SUMO2: variants seen among roughly 807,000 people sequenced by gnomAD.
SUMO2 encodes the protein small ubiquitin-related modifier 2.
In SUMO2, 1 loss-of-function variant was observed where a neutral mutation model predicts 16.0. The ratio of observed to expected loss-of-function variants is 0.06; its 90% CI spans 0.02 to 0.30. The LOEUF is 0.30. SUMO2 is among the 10% of genes least tolerant of loss of function. SUMO2 has a pLI of 1.00. For missense variants in SUMO2, 16 were observed against 117.5 expected, an observed-to-expected ratio of 0.14 and a Z score of 3.99; for synonymous variants, 36 against 40.6, an observed-to-expected ratio of 0.89 and a Z score of 0.43.
chr17:75,175,583 G>T (rs1486402442), intron 2 of SUMO2, among the ~76,000 whole-genome samples: 1 of 151,124 alleles, frequency 6.6e-6, no homozygotes, highest in East Asian at 1.9e-4. Context: ...GCCTCCCAAA[G>T]TGCTGGGATT....
chr17:75,169,033 AC>A (rs1568044764), intron 3 of SUMO2, among the ~76,000 whole-genome samples: 1 of 151,288 alleles, frequency 6.6e-6, no homozygotes, highest in Admixed American at 6.6e-5. Context: ...CACCTGGGCA[AC>A]ATAGGGAGAC....
rs758193075 is a variant in SUMO2 at position 75,181,138 on chromosome 17, C to A, written c.72G>T (p.Gly24=). 9 of 1,613,950 alleles carry A rather than the reference C, an allele frequency of 5.6e-6. No individual in the cohort carries two copies. The South Asian group carries it at 9.9e-5, about 18-fold the overall frequency. ...NNDHINLKVA[G]QDGSVVQFKI... ...TAAACTGCACCACAGAACCATCCTG[C>A]CCCGCCACCTTCAAATTAATATGAT... The change falls in exon 2 of 4, where the codon GGG becomes GGT. Residue 24 remains glycine (G), a synonymous_variant. Transcript: ENST00000420826.
At chr17:75,172,558 T>TGCAA (rs2074749790) in intron 3 of SUMO2, among the ~76,000 whole-genome samples, 1 of 150,792 alleles carries the variant, frequency 6.6e-6, no homozygotes, top group Non-Finnish European at 1.5e-5. Flanking sequence ...TCCGGCTCAC[T>TGCAA]GCAACCTCTG....
Position 75,167,275 on chromosome 17 carries a change from G to C in SUMO2, c.*1064C>G, listed in dbSNP as rs995812908. ...CACTACACTCCAGCCTGGGCAACAA[G>C]AGGAAAACTCCGTCTCAAAAAAAAA... On this transcript the variant is annotated 3_prime_UTR_variant, in exon 4 of 4. Transcript: ENST00000420826. 5 of 151,730 alleles carry C rather than the reference G, an allele frequency of 3.3e-5. No individual in the cohort carries two copies. Among genetic ancestry groups the C allele is most frequent in the African/African-American group, 7.3e-5 (3 of 41,274 alleles). 9.4% of individuals were successfully genotyped at this position (151,730 alleles called of 1,614,324 possible). A position where few individuals can be genotyped will look rare whatever the true frequency, so the allele number is the denominator to read the frequency against.
intron 2 of SUMO2, among the ~76,000 whole-genome samples, chr17:75,176,123 T>C (rs1237203949): frequency 1.3e-5 from 2 of 151,600 alleles, no homozygotes; most frequent in Non-Finnish European, 2.9e-5. Context: ...CAACGCAACC[T>C]CCACCACCGG....
chr17:75,173,767 T>C (rs1420668647), intron 3 of SUMO2, among the ~76,000 whole-genome samples: 4 of 152,140 alleles, frequency 2.6e-5, no homozygotes, highest in Non-Finnish European at 4.4e-5. Flanking sequence ...TTTGTAATCT[T>C]GAAAATGGCT....
At chr17:75,180,470 T>C (rs2074820757) in intron 2 of SUMO2, among the ~76,000 whole-genome samples, 1 of 146,344 alleles carries the variant, frequency 6.8e-6, no homozygotes, top group South Asian at 2.2e-4. Flanking sequence ...CCCAGCACTT[T>C]GGAAGGCCGA....
rs555357432 is a variant in SUMO2 at position 75,170,047 on chromosome 17, C to CACGCCTGT, written c.226-1654_226-1647dup. On this transcript the variant is annotated intron_variant, in intron 3 of 3. Coordinates refer to ENST00000420826, the MANE Select transcript of SUMO2 (RefSeq NM_006937.4). ...AGCTGGGCGTGGTGGCGCACGCCTG[C>CACGCCTGT]ACGCCTGTAATCCCAGCTACTTGGG... 5.1e-4 allele frequency among the ~76,000 whole-genome samples: 76 copies of CACGCCTGT among 149,214 alleles called. 1 individual carries two copies. The South Asian group carries it at 0.016, about 30-fold the overall frequency.
chr17:75,178,509 C>CA (rs545816366), intron 2 of SUMO2, among the ~76,000 whole-genome samples: 18,694 of 74,504 alleles, frequency 0.25, 1,683 homozygotes, highest in Non-Finnish European at 0.3. Flanking sequence ...GCGAGACTCT[C>CA]AAAAAAAAAA....
At position 75,174,749 on chromosome 17, in the gene SUMO2, T is replaced by C. The variant is rs1164829206; in HGVS notation, c.225+3A>G. The stretch of plus-strand genomic sequence containing the variant: ...TTTTTCTAATTAGGAGAGATTTTTT[T>C]ACCTGTGCAGGTGTGTCTGTTTCAT... On this transcript the variant is annotated splice_donor_region_variant and intron_variant, in intron 3 of 3. Transcript: ENST00000420826. The C allele has an allele frequency of 6.2e-7, 1 of 1,612,538 alleles. No individual in the cohort carries two copies. The highest frequency in any genetic ancestry group is 8.5e-7 in the Non-Finnish European group (1 of 1,179,356).
chr17:75,167,801 TTTG>T lies in SUMO2; in HGVS notation c.*535_*537del, dbSNP rs2074703984. On this transcript the variant is annotated 3_prime_UTR_variant, in exon 4 of 4. Coordinates refer to ENST00000420826, the MANE Select transcript of SUMO2 (RefSeq NM_006937.4). ...AAGGGAAAACTATCTAGGATTCTTT[TTTG>T]TTTTAGAGTAATTTATCCCTACTTA... 1 of 158,936 alleles carries T rather than the reference TTTG, an allele frequency of 6.3e-6. No homozygotes were observed. Among genetic ancestry groups the T allele is most frequent in the East Asian group, 1.9e-4 (1 of 5,192 alleles). 9.8% of individuals were successfully genotyped at this position (158,936 alleles called of 1,614,324 possible).
At chr17:75,169,469 C>T (rs902285885) in intron 3 of SUMO2, among the ~76,000 whole-genome samples, 30 of 151,620 alleles carry the variant, frequency 2.0e-4, no homozygotes, top group African/African-American at 6.0e-4. Context: ...CTGCAAGCTC[C>T]GCCTCCTGGG....
At position 75,176,913 on chromosome 17, in the gene SUMO2, G is replaced by A. The variant is rs528462894; in HGVS notation, c.154-2090C>T. 1.3e-3 allele frequency among the ~76,000 whole-genome samples: 193 copies of A among 152,186 alleles called. 1 individual carries two copies. Among genetic ancestry groups the A allele is most frequent in the African/African-American group, 4.5e-3 (186 of 41,536 alleles). ...TACTTAAAAACAAAGGCCAAGTATT[G>A]TGGCTCACGCCTGTAATCCTAGCAC... is the stretch of plus-strand genomic sequence containing the variant. On this transcript the variant is annotated intron_variant, in intron 2 of 3. Coordinates refer to ENST00000420826, the MANE Select transcript of SUMO2 (RefSeq NM_006937.4).
At chr17:75,179,405 G>A (rs371514755) in intron 2 of SUMO2, among the ~76,000 whole-genome samples, 15 of 151,860 alleles carry the variant, frequency 9.9e-5, no homozygotes, top group African/African-American at 1.7e-4. Flanking sequence ...GCGTGCGCCC[G>A]TAGTCCCACC....
At chr17:75,177,090 G>C (rs1335119402) in intron 2 of SUMO2, among the ~76,000 whole-genome samples, 1 of 151,842 alleles carries the variant, frequency 6.6e-6, no homozygotes, top group Non-Finnish European at 1.5e-5. Flanking sequence ...CGGAGGTTGA[G>C]GGGGGAAAAT....
chr17:75,178,868 T>C lies in SUMO2; in HGVS notation c.153+2189A>G, dbSNP rs180904632. Among the ~76,000 whole-genome samples, 3 of 151,878 alleles carry C rather than the reference T, an allele frequency of 2.0e-5. No homozygotes were observed. In the East Asian group the frequency reaches 5.9e-4, roughly 30 times the overall value. On this transcript the variant is annotated intron_variant, in intron 2 of 3. Coordinates refer to ENST00000420826, the MANE Select transcript of SUMO2 (RefSeq NM_006937.4). ...GACTTGGGAGGCTGAGGCAGAAGAA[T>C]CGCTTAAAACTGGAAGGCGGAGGAT...
intron 2 of SUMO2, among the ~76,000 whole-genome samples, chr17:75,178,651 C>G (rs1208898986): frequency 6.6e-6 from 1 of 152,134 alleles, no homozygotes; most frequent in Non-Finnish European, 1.5e-5. Context: ...TCACTGCAGC[C>G]TAGACCTGCC....
At chr17:75,181,850 G>C (rs1007934354) in intron 1 of SUMO2, among the ~76,000 whole-genome samples, 9 of 151,954 alleles carry the variant, frequency 5.9e-5, no homozygotes, top group Non-Finnish European at 8.8e-5. Context: ...TGTTGTCATG[G>C]GTCAAATACA....
At chr17:75,180,647 T>C (rs1052567252) in intron 2 of SUMO2, among the ~76,000 whole-genome samples, 1 of 151,412 alleles carries the variant, frequency 6.6e-6, no homozygotes, top group Non-Finnish European at 1.5e-5. Context: ...GAAGTGGAGG[T>C]TGCAGTGAGC....
Sources: gnomAD v4.1 joint callset for allele counts (sites outside exome capture counted in the v4.1 genomes callset) on GRCh38, gnomAD v4.1.1 for gene constraint, MANE v1.5 for transcripts, NCBI Gene and HGNC (gene_info 2026-07-23, HGNC 2026-07-21) for gene names.